Variants in CNTNAP5 observed in about 807,000 individuals in gnomAD.
The protein encoded by CNTNAP5 is contactin associated protein family member 5, also known as contactin-associated protein-like 5.
Under a neutral mutation model 150.2 loss-of-function variants are expected in CNTNAP5, and 72 were observed. The observed-to-expected ratio is 0.48, with a 90% CI of 0.40 to 0.58. The LOEUF (loss-of-function observed/expected upper bound fraction) is 0.58. Ranked by LOEUF, CNTNAP5 falls within the 20% of genes least tolerant of loss-of-function variation. CNTNAP5 has a pLI of 0.00. For synonymous variants in CNTNAP5, 672 were observed against 619.8 expected, an observed-to-expected ratio of 1.08 and a Z score of -1.25; for missense variants, 1,636 against 1,626.2, an observed-to-expected ratio of 1.01 and a Z score of -0.10.
intron 11 of CNTNAP5, among the ~76,000 whole-genome samples, chr2:124,571,286 G>A (rs769772398): frequency 6.6e-6 from 1 of 152,112 alleles, no homozygotes; most frequent in Non-Finnish European, 1.5e-5. Context: ...TATAGTTGCT[G>A]AAGCCTTTTG....
At chr2:124,873,038 G>A (rs2104729313) in intron 21 of CNTNAP5, among the ~76,000 whole-genome samples, 1 of 152,118 alleles carries the variant, frequency 6.6e-6, no homozygotes, top group Middle Eastern at 3.4e-3. Flanking sequence ...CTTGAGACTG[G>A]GTAATTTATA....
intron 13 of CNTNAP5, among the ~76,000 whole-genome samples, chr2:124,721,410 C>T (rs546137514): frequency 4.0e-5 from 6 of 151,650 alleles, no homozygotes; most frequent in Non-Finnish European, 7.4e-5. Context: ...TGAACCCGGA[C>T]GGCGGAGGTT....
chr2:124,648,785 A>T (rs989051397), intron 13 of CNTNAP5, among the ~76,000 whole-genome samples: 2 of 152,190 alleles, frequency 1.3e-5, no homozygotes, highest in African/African-American at 2.4e-5. Context: ...TCAGTTCATC[A>T]TTTGTTTCAT....
At chr2:124,733,478 G>A (rs898852011) in intron 13 of CNTNAP5, among the ~76,000 whole-genome samples, 4 of 152,092 alleles carry the variant, frequency 2.6e-5, no homozygotes, top group East Asian at 3.9e-4. Flanking sequence ...ATGTGGAAGG[G>A]TGGAAGTCAA....
intron 1 of CNTNAP5, among the ~76,000 whole-genome samples, chr2:124,109,756 G>C (rs1477557263): frequency 6.6e-6 from 1 of 152,132 alleles, no homozygotes; most frequent in East Asian, 1.9e-4. Context: ...ATGTTAAATA[G>C]CAGGTAAATA....
intron 3 of CNTNAP5, among the ~76,000 whole-genome samples, chr2:124,416,546 A>G (rs1166982179): frequency 1.3e-5 from 2 of 152,180 alleles, no homozygotes; most frequent in Admixed American, 6.5e-5. Context: ...TCTGAGTTGC[A>G]TTGTCTCCCT....
chr2:124,801,785 A>T (rs1013079443), intron 19 of CNTNAP5, among the ~76,000 whole-genome samples: 1 of 152,202 alleles, frequency 6.6e-6, no homozygotes, highest in African/African-American at 2.4e-5. Flanking sequence ...GAATTGCATT[A>T]TAAAGAACTG....
chr2:124,098,894 C>T (rs1027791359), intron 1 of CNTNAP5, among the ~76,000 whole-genome samples: 1 of 152,124 alleles, frequency 6.6e-6, no homozygotes, highest in African/African-American at 2.4e-5. Context: ...GTGGACGCAG[C>T]ATCACTTACC....
intron 3 of CNTNAP5, among the ~76,000 whole-genome samples, chr2:124,387,612 A>T (rs1690963549): frequency 6.6e-6 from 1 of 151,992 alleles, no homozygotes; most frequent in South Asian, 2.1e-4. Context: ...AGGGTGGGGG[A>T]GATTACAAAG....
At position 124,914,389 on chromosome 2, in the gene CNTNAP5, C is replaced by T. The variant is rs1409078775; in HGVS notation, c.*101C>T. The T allele has an allele frequency of 3.5e-6, 3 of 851,792 alleles. No individual in the cohort carries two copies. The highest frequency in any genetic ancestry group is 3.4e-5 in the African/African-American group (2 of 58,242). 52.8% of individuals were successfully genotyped at this position (851,792 alleles called of 1,614,324 possible). A position where few individuals can be genotyped will look rare whatever the true frequency, so the allele number is the denominator to read the frequency against. On this transcript the variant is annotated 3_prime_UTR_variant, in exon 24 of 24. Transcript: ENST00000682447. ...ATTTGGTCATTCTCTTTATTTTCTG[C>T]TTGCCATGTCTTTTCTGGAACATAC...
At chr2:124,026,100 G>A (rs2104615262) in intron 1 of CNTNAP5, among the ~76,000 whole-genome samples, 1 of 152,312 alleles carries the variant, frequency 6.6e-6, no homozygotes, top group African/African-American at 2.4e-5. Context: ...CTGGGATGGA[G>A]ATGCTCCCAG....
chr2:124,713,998 G>GTTA (rs1365193301), intron 13 of CNTNAP5, among the ~76,000 whole-genome samples: 49 of 152,134 alleles, frequency 3.2e-4, no homozygotes, highest in Non-Finnish European at 1.3e-4. Context: ...TGCACATGTG[G>GTTA]TTATTATTAT....
intron 2 of CNTNAP5, among the ~76,000 whole-genome samples, chr2:124,239,693 CA>C (rs1161693896): frequency 8.0e-6 from 1 of 125,756 alleles, no homozygotes; most frequent in African/African-American, 2.9e-5. Flanking sequence ...ATTTCAACAA[CA>C]TTTTTTTTTT....
intron 17 of CNTNAP5, among the ~76,000 whole-genome samples, chr2:124,774,600 A>T (rs1379436334): frequency 6.6e-6 from 1 of 152,230 alleles, no homozygotes; most frequent in Non-Finnish European, 1.5e-5. Context: ...CTATTTAAAC[A>T]TCACATTTTG....
At chr2:124,752,551 TTAAC>T (rs1369407342) in intron 14 of CNTNAP5, among the ~76,000 whole-genome samples, 1 of 152,162 alleles carries the variant, frequency 6.6e-6, no homozygotes, top group Non-Finnish European at 1.5e-5. Flanking sequence ...GAGGAAAGCT[TTAAC>T]TACCCGTCGG....
At chr2:124,809,012 C>T (rs1240057915) in intron 19 of CNTNAP5, among the ~76,000 whole-genome samples, 2 of 151,752 alleles carry the variant, frequency 1.3e-5, no homozygotes, top group African/African-American at 4.8e-5. Context: ...GATAAGAGTC[C>T]TTGACCATGG....
Position 124,474,876 on chromosome 2 carries a change from T to C in CNTNAP5, c.1056T>C (p.Tyr352=), listed in dbSNP as rs771890123. 3 of 1,599,944 alleles carry C rather than the reference T, an allele frequency of 1.9e-6. No individual in the cohort carries two copies. The highest frequency in any genetic ancestry group is 2.3e-5 in the East Asian group (1 of 44,158). ...DLAKRRKHQI[Y]TVGNVTFSCS... ...CTAAGAGACGAAAGCATCAGATCTA[T>C]ACTGTGGTAAGTCAGCCCATCTGTT... The change falls in exon 7 of 24, where the codon TAT becomes TAC. Residue 352 remains tyrosine, a synonymous_variant. Transcript: ENST00000682447.
chr2:124,061,911 G>A (rs923891979), intron 1 of CNTNAP5, among the ~76,000 whole-genome samples: 13 of 152,112 alleles, frequency 8.5e-5, no homozygotes, highest in African/African-American at 1.2e-4. Flanking sequence ...CCCTCTTCAT[G>A]ATCCTACTAT....
At chr2:124,647,492 T>A (rs1200255788) in intron 12 of CNTNAP5, among the ~76,000 whole-genome samples, 1 of 152,190 alleles carries the variant, frequency 6.6e-6, no homozygotes, top group Non-Finnish European at 1.5e-5. Flanking sequence ...TTAGGCATTG[T>A]CAATTTTAAC....
Sources: gnomAD v4.1 joint callset for allele counts (sites outside exome capture counted in the v4.1 genomes callset) on GRCh38, gnomAD v4.1.1 for gene constraint, MANE v1.5 for transcripts, NCBI Gene and HGNC (gene_info 2026-07-23, HGNC 2026-07-21) for gene names.